PODXL2: variants seen among roughly 807,000 people sequenced by gnomAD.
PODXL2 encodes podocalyxin like 2, also known as podocalyxin-like protein 2.
In PODXL2, 17 loss-of-function variants were observed where a neutral mutation model predicts 53.4. The ratio of observed to expected loss-of-function variants is 0.32; its 90% CI spans 0.22 to 0.48. The LOEUF (loss-of-function observed/expected upper bound fraction) is 0.48, where lower values mean the gene tolerates loss of function less well. Among genes scored for constraint, PODXL2 ranks in the 20% least tolerant of loss-of-function variants. The probability of loss-of-function intolerance (pLI) is 0.99; values close to 1 mark genes in which losing one functional copy is unlikely to be tolerated. For missense variants in PODXL2, 673 were observed against 760.0 expected (o/e 0.89, Z 1.35); for synonymous variants, 311 against 306.7 (o/e 1.01, Z -0.15).
At chr3:127,631,087 T>C (rs2074542363) in intron 1 of PODXL2, among the ~76,000 whole-genome samples, 1 of 152,210 alleles carries the variant, frequency 6.6e-6, no homozygotes, top group African/African-American at 2.4e-5. Context: ...TGTCTCTTTC[T>C]TACACACCTT....
At chr3:127,652,295 G>A (rs1246578786) in intron 2 of PODXL2, among the ~76,000 whole-genome samples, 1 of 152,176 alleles carries the variant, frequency 6.6e-6, no homozygotes, top group Non-Finnish European at 1.5e-5. Flanking sequence ...GGGATTTGGA[G>A]ACCCAACTGT....
intron 1 of PODXL2, among the ~76,000 whole-genome samples, 161 bp from the exon 2 acceptor site, chr3:127,639,084 A>G (rs1240678225): frequency 6.6e-6 from 1 of 152,228 alleles, no homozygotes; most frequent in Non-Finnish European, 1.5e-5. Context: ...TGAAATGAAA[A>G]TAGTGTCTCA....
intron 2 of PODXL2, among the ~76,000 whole-genome samples, chr3:127,652,953 C>T (rs2074698622): frequency 6.6e-6 from 1 of 152,038 alleles, no homozygotes; most frequent in Non-Finnish European, 1.5e-5. Flanking sequence ...GGCAGGTAGC[C>T]CTGTCATGTG....
In PODXL2 at chr3:127,667,712, A is replaced by G. The variant is rs143457526; in HGVS notation, c.1207-729A>G. On this transcript the variant is annotated intron_variant, in intron 4 of 7. Transcript: ENST00000342480. ...GTACACATGGTCAAGAAAACCTCAC[A>G]ATACAAGCGAGTGCACGATGAGAAA... 4.6e-5 allele frequency among the ~76,000 whole-genome samples: 7 copies of G among 152,344 alleles called. No homozygotes were observed. In the East Asian group the frequency reaches 1.3e-3, roughly 29 times the overall value.
chr3:127,639,461 A>G lies in PODXL2; in HGVS notation c.287A>G (p.Gln96Arg). 2 of 1,614,248 alleles carry G rather than the reference A, an allele frequency of 1.2e-6. No homozygotes were observed. The highest frequency in any genetic ancestry group is 1.1e-5 in the South Asian group (1 of 91,086). The change falls in exon 2 of 8, where the codon CAG becomes CGG. Residue 96 changes from glutamine (Q) to arginine (R), a missense_variant. This residue lies in a region of PODXL2 where 588 missense variants were observed against 668.3 expected (regional missense o/e 0.88). Transcript: ENST00000342480. ...NEESRILQPP[Q>R]YFWEEEEELN... is the part of the protein sequence containing the mutation. ...GAGTCTCGGATTCTGCAGCCACCAC[A>G]GTACTTCTGGGAAGAGGAGGAAGAG...
At chr3:127,640,754 G>A (rs754928639) in intron 2 of PODXL2, among the ~76,000 whole-genome samples, 1 of 151,890 alleles carries the variant, frequency 6.6e-6, no homozygotes, top group Non-Finnish European at 1.5e-5. Context: ...CCTGATAATT[G>A]AAAGATAATT....
chr3:127,646,691 G>A (rs191164498), intron 2 of PODXL2, among the ~76,000 whole-genome samples: 1 of 152,290 alleles, frequency 6.6e-6, no homozygotes, highest in East Asian at 1.9e-4. Flanking sequence ...TGGCTCCATA[G>A]AATTTTGAGT....
chr3:127,661,525 C>T (rs983598729), intron 3 of PODXL2, among the ~76,000 whole-genome samples: 2 of 151,978 alleles, frequency 1.3e-5, no homozygotes, highest in Non-Finnish European at 2.9e-5. Context: ...CAACCTCCAC[C>T]GCCCAGGTTC....
intron 4 of PODXL2, among the ~76,000 whole-genome samples, chr3:127,662,924 C>G (rs1361676298): frequency 6.6e-6 from 1 of 152,190 alleles, no homozygotes; most frequent in Non-Finnish European, 1.5e-5. Context: ...GTTCTGGGAG[C>G]TGGGGTGGAG....
At chr3:127,662,020 C>G (rs1349469844) in intron 3 of PODXL2, among the ~76,000 whole-genome samples, 5 of 152,226 alleles carry the variant, frequency 3.3e-5, no homozygotes, top group African/African-American at 1.2e-4. Flanking sequence ...GCCTCCTCCT[C>G]TCACTCAATA....
intron 2 of PODXL2, among the ~76,000 whole-genome samples, chr3:127,657,354 T>C (rs1312117810): frequency 6.6e-6 from 1 of 152,216 alleles, no homozygotes; most frequent in African/African-American, 2.4e-5. Context: ...TGCCATATCC[T>C]AGGCTGCATT....
At chr3:127,657,564 T>C (rs1306305005) in intron 2 of PODXL2, among the ~76,000 whole-genome samples, 1 of 152,226 alleles carries the variant, frequency 6.6e-6, no homozygotes. Flanking sequence ...ATCACCGCCA[T>C]GCATCTCTCC....
At chr3:127,633,745 G>A (rs1022149679) in intron 1 of PODXL2, among the ~76,000 whole-genome samples, 3 of 152,002 alleles carry the variant, frequency 2.0e-5, no homozygotes, top group African/African-American at 4.8e-5. Flanking sequence ...TTACAATTTG[G>A]TGAGAAAAGT....
intron 2 of PODXL2, among the ~76,000 whole-genome samples, chr3:127,657,758 C>G (rs1289972859): frequency 5.3e-5 from 8 of 152,352 alleles, no homozygotes; most frequent in Admixed American, 3.9e-4. Context: ...GTATTCCTAT[C>G]AAGTAATCAT....
intron 1 of PODXL2, among the ~76,000 whole-genome samples, chr3:127,633,759 G>A (rs762183722): frequency 2.6e-5 from 4 of 151,994 alleles, no homozygotes; most frequent in Non-Finnish European, 4.4e-5. Flanking sequence ...GAAAAGTGGC[G>A]TGACAGTAGT....
chr3:127,655,226 T>G (rs2074714784), intron 2 of PODXL2, among the ~76,000 whole-genome samples: 1 of 151,990 alleles, frequency 6.6e-6, no homozygotes, highest in South Asian at 2.1e-4. Flanking sequence ...ATTACAGGCA[T>G]GAGTCACCAT....
intron 6 of PODXL2, among the ~76,000 whole-genome samples, chr3:127,670,255 G>C (rs938367858): frequency 6.6e-6 from 1 of 152,208 alleles, no homozygotes; most frequent in Non-Finnish European, 1.5e-5. Context: ...TAGGTGACCT[G>C]TCTGAGATGG....
chr3:127,642,465 G>A (rs1227740291), intron 2 of PODXL2, among the ~76,000 whole-genome samples: 5 of 152,044 alleles, frequency 3.3e-5, no homozygotes, highest in Admixed American at 2.6e-4. Context: ...AAGGATCTGT[G>A]GCTAGCAACA....
At chr3:127,650,647 G>GT (rs1317838991) in intron 2 of PODXL2, among the ~76,000 whole-genome samples, 1 of 151,832 alleles carries the variant, frequency 6.6e-6, no homozygotes, top group African/African-American at 2.4e-5. Flanking sequence ...TTTGTTTTTT[G>GT]TTTGTTTTTT....
Sources: allele counts gnomAD v4.1 joint callset (sites outside exome capture counted in the v4.1 genomes callset), GRCh38; gene constraint gnomAD v4.1.1; regional missense constraint gnomAD v4.1.1; transcripts MANE v1.5; gene names NCBI Gene and HGNC (gene_info 2026-07-23, HGNC 2026-07-21).